Variants in ZFYVE26 observed in about 807,000 individuals in gnomAD.
ZFYVE26 encodes the protein zinc finger FYVE domain-containing protein 26.
A neutral mutation model predicts 276.5 loss-of-function variants in ZFYVE26; 181 were observed. The ratio of observed to expected loss-of-function variants is 0.65; its 90% CI spans 0.58 to 0.74. ZFYVE26 has a LOEUF of 0.74. Among genes scored for constraint, ZFYVE26 ranks in the 30% least tolerant of loss-of-function variants. The probability of loss-of-function intolerance (pLI) is 0.00; values close to 1 mark genes in which losing one functional copy is unlikely to be tolerated. For missense variants in ZFYVE26, 2,821 were observed against 3,097.9 expected (o/e 0.91, Z 2.12); for synonymous variants, 1,129 against 1,203.1 (o/e 0.94, Z 1.27).
At chr14:67,764,209 C>T (rs1234158449) in intron 32 of ZFYVE26, among the ~76,000 whole-genome samples, 1 of 152,202 alleles carries the variant, frequency 6.6e-6, no homozygotes, top group African/African-American at 2.4e-5. Flanking sequence ...CTCATAACTG[C>T]AGCAAAAACC....
intron 9 of ZFYVE26, among the ~76,000 whole-genome samples, 160 bp downstream of exon 9, chr14:67,803,941 C>T (rs945096883): frequency 6.6e-6 from 1 of 152,210 alleles, no homozygotes; most frequent in Admixed American, 6.5e-5. Flanking sequence ...CCCTATATCC[C>T]ATAAACTGAT....
Position 67,776,157 on chromosome 14 carries a change from G to GA in ZFYVE26, c.4975-52dup, listed in dbSNP as rs554421932. 20 of 1,611,950 alleles carry GA rather than the reference G, an allele frequency of 1.2e-5. No homozygotes were observed. In the Admixed American group the frequency reaches 2.5e-4, roughly 20 times the overall value. On this transcript the variant is annotated intron_variant, in intron 25 of 41. Transcript: ENST00000347230. ...TAAAGAAAATAGTACACAAATTTCA[G>GA]AAAAAACTCAAGATTCTCACTGGGA...
At chr14:67,734,137 T>C in intron 13 of ZFYVE26, 1 of 336,928 alleles carries the variant, frequency 3.0e-6, no homozygotes, top group Non-Finnish European at 5.8e-6. Context: ...GGCATGGGGG[T>C]GGCAGAAGAG....
chr14:67,733,630 G>GTATTTT (rs1353623743), intron 13 of ZFYVE26: 3 of 696,956 alleles, frequency 4.3e-6, no homozygotes, highest in Non-Finnish European at 7.7e-6. Flanking sequence ...TAGTTTCTTT[G>GTATTTT]AGTCTGGCAT....
At chr14:67,814,579 G>A (rs1280939785) in intron 2 of ZFYVE26, among the ~76,000 whole-genome samples, 1 of 151,986 alleles carries the variant, frequency 6.6e-6, no homozygotes, top group Non-Finnish European at 1.5e-5. Context: ...AGAGCTAGCA[G>A]CTTTCATAAA....
At chr14:67,735,372 G>C (rs1454974551) in intron 13 of ZFYVE26, 2 of 717,832 alleles carry the variant, frequency 2.8e-6, no homozygotes, top group Non-Finnish European at 5.1e-6. Context: ...ACATGTGCCA[G>C]TCTTGGCCTC....
Position 67,815,753 on chromosome 14 carries a change from GAA to G in ZFYVE26, c.194+15_194+16del. The G allele has an allele frequency of 6.2e-7, 1 of 1,612,298 alleles. No homozygotes were observed. The highest frequency in any genetic ancestry group is 1.3e-5 in the African/African-American group (1 of 74,970). On this transcript the variant is annotated intron_variant, in intron 2 of 41. Transcript: ENST00000347230. ...CTCTCACCCTGGGACCGTCTGGTAG[GAA>G]AAGAGATCCCTTACCTCAGCAGATT...
intron 13 of ZFYVE26, among the ~76,000 whole-genome samples, chr14:67,733,585 T>C (rs1292232734): frequency 6.6e-6 from 1 of 152,220 alleles, no homozygotes; most frequent in Non-Finnish European, 1.5e-5. Context: ...CACAAATTTG[T>C]TTTTAAAATA....
intron 9 of ZFYVE26, among the ~76,000 whole-genome samples, chr14:67,803,504 G>A (rs547791953): frequency 2.0e-3 from 304 of 152,192 alleles, no homozygotes; most frequent in Non-Finnish European, 3.7e-3. Context: ...ACCACACCCG[G>A]CTAATTTTTT....
rs35993176 is a variant in ZFYVE26, at chr14:67,774,931, CAAA to C, written c.5320+82_5320+84del. The C allele has an allele frequency of 0.5, 405,649 of 808,118 alleles. 57,590 individuals are homozygous for C. The highest frequency in any genetic ancestry group is 0.6 in the East Asian group (20,876 of 34,784). The allele number at this position is 808,118 out of a possible 1,614,324, so 50.1% of individuals were successfully genotyped here. ...TGTAACTGGCAATGAAAAAAAGAAG[CAAA>C]AAAAAAAAAAAAATTCTGAAGGATA... is the stretch of plus-strand genomic sequence containing the variant. On this transcript the variant is annotated intron_variant, in intron 27 of 41. Transcript: ENST00000347230.
At chr14:67,750,948 C>T (rs776161022) in intron 41 of ZFYVE26, 104 bp downstream of exon 41, 71 of 1,395,890 alleles carry the variant, frequency 5.1e-5, no homozygotes, top group Middle Eastern at 3.5e-4. Context: ...AGCTGAGATA[C>T]GGGTTGTATG....
At position 67,762,244 on chromosome 14, in the gene ZFYVE26, C is replaced by A; in HGVS notation, c.6328G>T (p.Val2110Phe). The A allele has an allele frequency of 6.2e-7, 1 of 1,614,178 alleles. No individual in the cohort carries two copies. The highest frequency in any genetic ancestry group is 2.2e-5 in the East Asian group (1 of 44,880). ...CTCACTGTGGACTCTAGGTACTCAACCACATCCTGCACCAGCCTTGAGCCA... is the reference window on the plus strand; with the variant it reads ...CTCACTGTGGACTCTAGGTACTCAAACACATCCTGCACCAGCCTTGAGCCA... ...NHGSRLVQDVVEYLESTVRPF... is the reference protein window; with the variant it reads ...NHGSRLVQDVFEYLESTVRPF... The change falls in exon 34 of 42, where the codon GTT becomes TTT. Residue 2110 changes from valine to phenylalanine, a missense_variant. Physicochemically the swap from Val to Phe is conservative, Grantham distance 50 (BLOSUM62 -1). Coordinates refer to ENST00000347230, the MANE Select transcript of ZFYVE26 (RefSeq NM_015346.4).
rs747517820 is a variant in ZFYVE26 at position 67,752,385 on chromosome 14, G to C, written c.7330C>G (p.Leu2444Val). The part of the protein sequence containing the change: ...MAAKSDGDTI[L>V]LNCLEAFKRI... Reference sequence around the variant, plus strand: ...TTGAACGCTTCCAGGCAGTTGAGGAGGATGGTGTCCCCGTCACTTTTGGCT... The same window carrying C: ...TTGAACGCTTCCAGGCAGTTGAGGACGATGGTGTCCCCGTCACTTTTGGCT... Residue 2444 changes from leucine to valine, a missense_variant, in exon 40 of 42, where the codon CTC (leucine) becomes GTC (valine). Physicochemically the swap from Leu to Val is conservative, Grantham distance 32. Transcript: ENST00000347230. 2 of 1,612,828 alleles carry C rather than the reference G, an allele frequency of 1.2e-6. No homozygotes were observed. Among genetic ancestry groups the C allele is most frequent in the East Asian group, 2.2e-5 (1 of 44,854 alleles).
chr14:67,784,312 C>G, intron 20 of ZFYVE26, 22 bp downstream of exon 20: 1 of 1,605,328 alleles, frequency 6.2e-7, no homozygotes, highest in Non-Finnish European at 8.5e-7. Context: ...CCATGGCTGA[C>G]TTGCATGGAG....
At chr14:67,752,207 AT>A in intron 40 of ZFYVE26, 136 bp downstream of exon 40, 5 of 1,159,806 alleles carry the variant, frequency 4.3e-6, no homozygotes, top group Non-Finnish European at 6.3e-6. Context: ...TGGTGAGGCC[AT>A]TATTGCAGAG....
rs151306544 is a variant in ZFYVE26 at position 67,761,394 on chromosome 14, C to T, written c.6560G>A (p.Arg2187Gln). The T allele has an allele frequency of 8.3e-5, 134 of 1,613,534 alleles. No individual in the cohort carries two copies. The highest frequency in any genetic ancestry group is 5.0e-4 in the Middle Eastern group (3 of 6,056). ...GTTGAGAAGGTGCAGAAGAGCTTCC[C>T]GCAGGCAGCTGTGCCTCACGTAGAA... ...ISFYVRHSCL[R>Q]EALLHLLNKE... Residue 2187 changes from arginine to glutamine, a missense_variant, in exon 35 of 42, where the codon CGG (arginine) becomes CAG (glutamine). Arg to Gln is a conservative substitution (Grantham distance 43). Coordinates refer to ENST00000347230, the MANE Select transcript of ZFYVE26 (RefSeq NM_015346.4).
At chr14:67,741,899 A>G (rs972908797), downstream of ZFYVE26, among the ~76,000 whole-genome samples, 3 of 152,218 alleles carry the variant, frequency 2.0e-5, no homozygotes, top group African/African-American at 7.2e-5. Context: ...TGCTCTCCAG[A>G]TAACTTTTAA....
chr14:67,767,622 G>A (rs796447286), intron 31 of ZFYVE26, 82 bp downstream of exon 31: 24 of 1,589,694 alleles, frequency 1.5e-5, no homozygotes, highest in South Asian at 1.2e-4. Context: ...GGCCAGGTGT[G>A]TTCACCTACC....
chr14:67,740,549 T>C (rs1303016921), intron 13 of ZFYVE26, among the ~76,000 whole-genome samples: 1 of 152,230 alleles, frequency 6.6e-6, no homozygotes, highest in Admixed American at 6.5e-5. Flanking sequence ...TCATTGTCCA[T>C]TTAGTTGCTA....
Sources: allele counts gnomAD v4.1 joint callset (sites outside exome capture counted in the v4.1 genomes callset), GRCh38; gene constraint gnomAD v4.1.1; transcripts MANE v1.5; gene names NCBI Gene and HGNC (gene_info 2026-07-23, HGNC 2026-07-21).